LDB2: variants seen among roughly 807,000 people sequenced by gnomAD.
The protein encoded by LDB2 is LIM domain binding 2, also known as LIM domain-binding protein 2.
LDB2 carries 12 observed loss-of-function variants against 44.3 expected under a neutral mutation model. The observed-to-expected ratio is 0.27, with a 90% confidence interval of 0.17 to 0.44. The LOEUF (loss-of-function observed/expected upper bound fraction) is 0.44, where lower values mean the gene tolerates loss of function less well. Ranked by LOEUF, LDB2 falls within the 20% of genes least tolerant of loss-of-function variation. The probability of loss-of-function intolerance (pLI) is 1.00; values close to 1 mark genes in which losing one functional copy is unlikely to be tolerated. For missense variants in LDB2, 344 were observed against 473.5 expected (o/e 0.73, Z 2.54); for synonymous variants, 164 against 174.8 (o/e 0.94, Z 0.49).
chr4:16,642,297 G>A (rs998213277), intron 2 of LDB2, among the ~76,000 whole-genome samples: 1 of 152,010 alleles, frequency 6.6e-6, no homozygotes. Context: ...GAACTGTATA[G>A]TAACTATGAG....
chr4:16,781,964 T>C (rs1219835155), intron 1 of LDB2, among the ~76,000 whole-genome samples: 1 of 152,146 alleles, frequency 6.6e-6, no homozygotes, highest in Non-Finnish European at 1.5e-5. Context: ...CTCAAAGTTC[T>C]CAGAAGGAAC....
chr4:16,869,027 G>GC (rs1252318920), intron 1 of LDB2, among the ~76,000 whole-genome samples: 1 of 152,138 alleles, frequency 6.6e-6, no homozygotes, highest in Admixed American at 6.5e-5. Flanking sequence ...TGATGTTGAT[G>GC]ATGATGAATG....
At chr4:16,849,354 T>C (rs1168188289) in intron 1 of LDB2, among the ~76,000 whole-genome samples, 1 of 152,238 alleles carries the variant, frequency 6.6e-6, no homozygotes, top group Admixed American at 6.5e-5. Flanking sequence ...TCTTTTTCTT[T>C]TAAAAATTGA....
intron 1 of LDB2, among the ~76,000 whole-genome samples, chr4:16,858,929 T>A (rs1195073143): frequency 1.3e-5 from 2 of 152,198 alleles, no homozygotes; most frequent in African/African-American, 4.8e-5. Context: ...CAGCCAACTC[T>A]CCATGCTTCA....
At chr4:16,689,849 C>T (rs554195073) in intron 2 of LDB2, among the ~76,000 whole-genome samples, 1 of 152,178 alleles carries the variant, frequency 6.6e-6, no homozygotes, top group Non-Finnish European at 1.5e-5. Flanking sequence ...ATTATACAAC[C>T]TAATGACATT....
intron 5 of LDB2, among the ~76,000 whole-genome samples, chr4:16,515,244 A>G (rs1189878025): frequency 6.6e-6 from 1 of 152,158 alleles, no homozygotes; most frequent in African/African-American, 2.4e-5. Flanking sequence ...TTGGGTACAT[A>G]TGGGCACAAA....
chr4:16,799,088 C>T (rs1777279318), intron 1 of LDB2, among the ~76,000 whole-genome samples: 1 of 152,134 alleles, frequency 6.6e-6, no homozygotes, highest in Admixed American at 6.5e-5. Context: ...CTCCTGACCT[C>T]GTGATCCGCC....
chr4:16,780,831 T>C (rs563468477), intron 1 of LDB2, among the ~76,000 whole-genome samples: 67 of 152,192 alleles, frequency 4.4e-4, no homozygotes, highest in Middle Eastern at 6.8e-3. Context: ...ATTAACTAAA[T>C]GGTAAGAATT....
At chr4:16,665,775 T>C (rs1465421118) in intron 2 of LDB2, among the ~76,000 whole-genome samples, 1 of 152,066 alleles carries the variant, frequency 6.6e-6, no homozygotes, top group Non-Finnish European at 1.5e-5. Context: ...AAAAGGGGTG[T>C]CTGAAGATGT....
chr4:16,879,340 C>T (rs781181883), intron 1 of LDB2, among the ~76,000 whole-genome samples: 1 of 152,116 alleles, frequency 6.6e-6, no homozygotes, highest in Non-Finnish European at 1.5e-5. Context: ...CCAAAGGATG[C>T]CCAGATACCT....
intron 2 of LDB2, among the ~76,000 whole-genome samples, chr4:16,596,205 G>C (rs1029628721): frequency 6.6e-5 from 10 of 152,030 alleles, no homozygotes; most frequent in Admixed American, 6.6e-4. Context: ...GAGTGAACAT[G>C]TTTATAAAAA....
chr4:16,887,224 A>G (rs1297294521), intron 1 of LDB2, among the ~76,000 whole-genome samples: 1 of 151,222 alleles, frequency 6.6e-6, no homozygotes, highest in Admixed American at 6.6e-5. Flanking sequence ...AGACTTGAAA[A>G]AAAAAAAAAA....
chr4:16,727,038 G>C (rs1759646406), intron 2 of LDB2, among the ~76,000 whole-genome samples: 2 of 152,172 alleles, frequency 1.3e-5, no homozygotes, highest in Non-Finnish European at 2.9e-5. Flanking sequence ...TTGATGGTAA[G>C]TTAGTTCCTA....
At chr4:16,529,393 CA>C (rs1413770636) in intron 5 of LDB2, among the ~76,000 whole-genome samples, 1 of 152,132 alleles carries the variant, frequency 6.6e-6, no homozygotes, top group Non-Finnish European at 1.5e-5. Flanking sequence ...ATGAATGAGG[CA>C]AACCACTGAC....
chr4:16,872,781 T>C (rs1297049981), intron 1 of LDB2, among the ~76,000 whole-genome samples: 2 of 152,178 alleles, frequency 1.3e-5, no homozygotes, highest in African/African-American at 4.8e-5. Flanking sequence ...AGAGAAAAGA[T>C]TTCACAGCCA....
At chr4:16,511,662 A>C (rs1353835770) in intron 6 of LDB2, among the ~76,000 whole-genome samples, 1 of 152,054 alleles carries the variant, frequency 6.6e-6, no homozygotes, top group East Asian at 1.9e-4. Context: ...CAGTGGAAGA[A>C]CCACTAGATT....
At chr4:16,719,302 T>A (rs1179384312) in intron 2 of LDB2, among the ~76,000 whole-genome samples, 1 of 152,126 alleles carries the variant, frequency 6.6e-6, no homozygotes, top group African/African-American at 2.4e-5. Flanking sequence ...TAGAGAGATT[T>A]TTTTTGTTTT....
chr4:16,727,106 T>A (rs910640487), intron 2 of LDB2, among the ~76,000 whole-genome samples: 6 of 152,178 alleles, frequency 3.9e-5, no homozygotes, highest in Admixed American at 3.9e-4. Flanking sequence ...GTGAGAGAGA[T>A]CAGTTTCCTC....
intron 1 of LDB2, among the ~76,000 whole-genome samples, chr4:16,800,328 C>G (rs1447269905): frequency 2.6e-5 from 4 of 152,114 alleles, no homozygotes. Flanking sequence ...TTGATTATTG[C>G]CCTGTGAACA....
Sources: allele counts gnomAD v4.1 joint callset (sites outside exome capture counted in the v4.1 genomes callset), GRCh38; gene constraint gnomAD v4.1.1; transcripts MANE v1.5; gene names NCBI Gene and HGNC (gene_info 2026-07-23, HGNC 2026-07-21).